Variants in ZFHX4 observed in about 807,000 individuals in gnomAD.
ZFHX4 encodes the protein zinc finger homeobox 4, also known as zinc finger homeobox protein 4.
Under a neutral mutation model 267.6 loss-of-function variants are expected in ZFHX4, and 56 were observed. The observed-to-expected ratio is 0.21, with a 90% CI of 0.17 to 0.26. The LOEUF (loss-of-function observed/expected upper bound fraction) is 0.26, where lower values mean the gene tolerates loss of function less well. Ranked by LOEUF, ZFHX4 falls within the 10% of genes least tolerant of loss-of-function variation. The probability of loss-of-function intolerance (pLI) is 1.00; values close to 1 mark genes in which losing one functional copy is unlikely to be tolerated. For synonymous variants in ZFHX4, 1,778 were observed against 1,665.6 expected, an observed-to-expected ratio of 1.07 and a Z score of -1.64; for missense variants, 4,332 against 4,420.0, an observed-to-expected ratio of 0.98 and a Z score of 0.56.
At chr8:76,701,822 T>C (rs1341128437) in intron 1 of ZFHX4, among the ~76,000 whole-genome samples, 1 of 152,134 alleles carries the variant, frequency 6.6e-6, no homozygotes, top group Non-Finnish European at 1.5e-5. Context: ...ATATCAGATA[T>C]GTGCATCATG....
chr8:76,721,404 T>C (rs1808718342), intron 3 of ZFHX4, among the ~76,000 whole-genome samples: 1 of 152,178 alleles, frequency 6.6e-6, no homozygotes, highest in Non-Finnish European at 1.5e-5. Context: ...TTTATCCTAA[T>C]TGATTAAAAA....
At chr8:76,795,543 CTTT>C (rs1204209981) in intron 4 of ZFHX4, among the ~76,000 whole-genome samples, 7 of 125,296 alleles carry the variant, frequency 5.6e-5, no homozygotes, top group Admixed American at 8.2e-5. Flanking sequence ...TGATCCAAGT[CTTT>C]TTTTTTTTTT....
At chr8:76,793,231 G>C (rs1487711348) in intron 4 of ZFHX4, among the ~76,000 whole-genome samples, 1 of 152,016 alleles carries the variant, frequency 6.6e-6, no homozygotes, top group Non-Finnish European at 1.5e-5. Context: ...CTTTGATTAG[G>C]GGTGAAGTTG....
chr8:76,855,532 C>T lies in ZFHX4; in HGVS notation c.8611C>T (p.Pro2871Ser), dbSNP rs373682555. ...CAAATTTCTCTTTTCTCTCACAAGCCCATCCATCCATTTCAATGACAAAGA... is the reference window on the plus strand; with the variant it reads ...CAAATTTCTCTTTTCTCTCACAAGCTCATCCATCCATTTCAATGACAAAGA... ...DDKFLFSLTS[P>S]SIHFNDKDGD... The change falls in exon 10 of 11, where the codon CCA (proline) becomes TCA (serine). Residue 2871 changes from proline (P) to serine (S), a missense_variant. By Grantham distance (74) the Pro-to-Ser change is moderately conservative. This residue lies in a region of ZFHX4 where 1,648 missense variants were observed against 1,625.0 expected (regional missense o/e 1.01). Transcript: ENST00000651372. 10 of 1,613,826 alleles carry T rather than the reference C, an allele frequency of 6.2e-6. No homozygotes were observed. In the African/African-American group the frequency reaches 1.3e-4, roughly 22 times the overall value.
intron 3 of ZFHX4, among the ~76,000 whole-genome samples, chr8:76,718,935 TCACA>T (rs34486060): frequency 0.034 from 4,834 of 141,258 alleles, 83 homozygotes; most frequent in African/African-American, 0.043. Context: ...CTGAAATTGA[TCACA>T]CACACACACA....
At chr8:76,836,779 C>T (rs1812103231) in intron 5 of ZFHX4, among the ~76,000 whole-genome samples, 2 of 151,750 alleles carry the variant, frequency 1.3e-5, no homozygotes, top group Non-Finnish European at 2.9e-5. Flanking sequence ...TAAAGGAACA[C>T]AAGAATAAGT....
chr8:76,800,934 A>G (rs946393030), intron 4 of ZFHX4, among the ~76,000 whole-genome samples: 1 of 152,180 alleles, frequency 6.6e-6, no homozygotes, highest in Non-Finnish European at 1.5e-5. Flanking sequence ...GGTGAGACAT[A>G]ATGGGAAATT....
intron 3 of ZFHX4, 146 bp downstream of exon 3, chr8:76,708,194 A>G: frequency 2.0e-6 from 2 of 988,240 alleles, no homozygotes; most frequent in Non-Finnish European, 3.0e-6. Context: ...TTAACATTAT[A>G]AAAACATATT....
chr8:76,838,687 G>A (rs1296027668), intron 5 of ZFHX4, among the ~76,000 whole-genome samples: 2 of 152,130 alleles, frequency 1.3e-5, no homozygotes, highest in Non-Finnish European at 2.9e-5. Context: ...TCACTTCATG[G>A]GTTGAAAAAG....
chr8:76,815,163 G>A (rs1384103551), intron 4 of ZFHX4, among the ~76,000 whole-genome samples: 1 of 152,104 alleles, frequency 6.6e-6, no homozygotes, highest in Non-Finnish European at 1.5e-5. Context: ...GAAGACTTGA[G>A]ATAATGAATA....
intron 1 of ZFHX4, among the ~76,000 whole-genome samples, chr8:76,700,406 G>A (rs550304020): frequency 1.5e-4 from 23 of 152,188 alleles, no homozygotes; most frequent in Non-Finnish European, 3.4e-4. Context: ...GTAGAAGAGG[G>A]CTGGGACAAT....
chr8:76,854,715 C>A lies in ZFHX4; in HGVS notation c.7794C>A (p.Ser2598Arg). Reference protein sequence around the residue: ...NNCSEKEGGNSGEDQHRDKRL... With the variant: ...NNCSEKEGGNRGEDQHRDKRL... Reference sequence around the variant, plus strand: ...GCAGTGAAAAAGAAGGAGGGAATAGCGGTGAAGACCAACACCGAGATAAAC... The same window carrying A: ...GCAGTGAAAAAGAAGGAGGGAATAGAGGTGAAGACCAACACCGAGATAAAC... The change falls in exon 10 of 11, where the codon AGC (serine) becomes AGA (arginine). Residue 2598 changes from serine to arginine, a missense_variant. By Grantham distance (110) the Ser-to-Arg change is moderately radical. This residue lies in a region of ZFHX4 where 1,648 missense variants were observed against 1,625.0 expected (regional missense o/e 1.01). Transcript: ENST00000651372. The A allele has an allele frequency of 6.2e-7, 1 of 1,612,968 alleles. No homozygotes were observed. Among genetic ancestry groups the A allele is most frequent in the Non-Finnish European group, 8.5e-7 (1 of 1,179,512 alleles).
intron 6 of ZFHX4, among the ~76,000 whole-genome samples, chr8:76,848,164 A>T (rs771562673): frequency 2.6e-5 from 4 of 152,166 alleles, no homozygotes; most frequent in Non-Finnish European, 4.4e-5. Context: ...TTGTCATGAG[A>T]TGTATGTGAC....
intron 3 of ZFHX4, among the ~76,000 whole-genome samples, chr8:76,760,879 T>C (rs1809892809): frequency 7.4e-6 from 1 of 134,702 alleles, no homozygotes; most frequent in Non-Finnish European, 1.5e-5. Context: ...CAGTGAGCAG[T>C]GATCAGGCGG....
At chr8:76,787,640 A>G (rs1334781068) in intron 4 of ZFHX4, among the ~76,000 whole-genome samples, 10 of 128,512 alleles carry the variant, frequency 7.8e-5, no homozygotes, top group African/African-American at 2.8e-4. Context: ...ATCTCCACTA[A>G]AAAAAAAAAA....
chr8:76,742,994 G>T (rs565844977), intron 3 of ZFHX4, among the ~76,000 whole-genome samples: 2 of 152,280 alleles, frequency 1.3e-5, no homozygotes, highest in South Asian at 2.1e-4. Flanking sequence ...TAAAGAAGAT[G>T]ATTTCTTCAA....
chr8:76,849,644 C>A lies in ZFHX4; in HGVS notation c.3778C>A (p.His1260Asn), dbSNP rs527426758. Residue 1260 changes from histidine (H) to asparagine (N), a missense_variant, in exon 8 of 11, where the codon CAT becomes AAT. Physicochemically the swap from His to Asn is moderately conservative, Grantham distance 68. This residue lies in a region of ZFHX4 where 1,371 missense variants were observed against 1,423.1 expected (regional missense o/e 0.96). Coordinates refer to ENST00000651372, the MANE Select transcript of ZFHX4 (RefSeq NM_024721.5). The part of the protein sequence containing the change: ...LCQDVLSNKM[H>N]LQLHLTHLHS... ...TCAGGACGTCCTCAGCAACAAAATG[C>A]ATCTCCAACTGCATCTGACGCATTT... 6.2e-7 allele frequency: 1 copy of A among 1,613,950 alleles called. No individual in the cohort carries two copies. Among genetic ancestry groups the A allele is most frequent in the East Asian group, 2.2e-5 (1 of 44,846 alleles).
intron 5 of ZFHX4, among the ~76,000 whole-genome samples, chr8:76,842,034 C>T (rs1163042131): frequency 6.6e-6 from 1 of 151,908 alleles, no homozygotes; most frequent in Non-Finnish European, 1.5e-5. Flanking sequence ...GGTGTGAACC[C>T]GTGAATGAGG....
At chr8:76,813,558 C>T (rs1266766683) in intron 4 of ZFHX4, among the ~76,000 whole-genome samples, 1 of 152,090 alleles carries the variant, frequency 6.6e-6, no homozygotes, top group African/African-American at 2.4e-5. Context: ...AAAATTTTTC[C>T]TACTTTTTGT....
Sources: gnomAD v4.1 joint callset for allele counts (sites outside exome capture counted in the v4.1 genomes callset) on GRCh38, gnomAD v4.1.1 for gene constraint, gnomAD v4.1.1 regional missense constraint, MANE v1.5 for transcripts, NCBI Gene and HGNC (gene_info 2026-07-23, HGNC 2026-07-21) for gene names.